ULK1: variants seen among roughly 807,000 people sequenced by gnomAD.
The protein encoded by ULK1 is serine/threonine-protein kinase ULK1.
ULK1 carries 48 observed loss-of-function variants against 117.5 expected under a neutral mutation model. That is an observed-to-expected ratio of 0.41 (90% CI 0.32 to 0.52). ULK1 has a LOEUF of 0.52. Among genes scored for constraint, ULK1 ranks in the 20% least tolerant of loss-of-function variants. The probability of loss-of-function intolerance (pLI) is 0.29; values close to 1 mark genes in which losing one functional copy is unlikely to be tolerated. For synonymous variants in ULK1, 790 were observed against 637.8 expected (o/e 1.24, Z -3.60); for missense variants, 1,387 against 1,473.4 (o/e 0.94, Z 0.96).
chr12:131,913,277 C>T lies in ULK1; in HGVS notation c.1157+19C>T, dbSNP rs762181714. The T allele has an allele frequency of 9.1e-6, 14 of 1,538,956 alleles. No individual in the cohort carries two copies. The East Asian group carries it at 2.3e-4, about 25-fold the overall frequency. ...GCAGTGGGTGAGCCCCCATCCCTTA[C>T]CTCTGTATTTTAGGGGAGAGAAACT... On this transcript the variant is annotated intron_variant, in intron 14 of 27. Transcript: ENST00000321867.
chr12:131,915,226 C>T lies in ULK1; in HGVS notation c.1517C>T (p.Pro506Leu), dbSNP rs1889720924. The change falls in exon 17 of 28, where the codon CCT (proline) becomes CTT (leucine). Residue 506 changes from proline (P) to leucine (L), a missense_variant. Coordinates refer to ENST00000321867, the MANE Select transcript of ULK1 (RefSeq NM_003565.4). ...GGAGGCCGGCCCTACACGCCATCTC[C>T]TCAAGGTGCGCCTGCAGGCTGGGGC... ...LGGGRPYTPS[P>L]QVGTIPERPG... The T allele has an allele frequency of 6.2e-7, 1 of 1,602,220 alleles. No individual in the cohort carries two copies. The highest frequency in any genetic ancestry group is 8.5e-7 in the Non-Finnish European group (1 of 1,174,764).
chr12:131,918,376 A>G, intron 22 of ULK1, 121 bp from the exon 23 acceptor site: 1 of 1,204,642 alleles, frequency 8.3e-7, no homozygotes, highest in Non-Finnish European at 1.1e-6. Context: ...ATTGGGATAT[A>G]ACAGGTGTAA....
At chr12:131,914,609 C>A in intron 16 of ULK1, 132 bp downstream of exon 16, 1 of 1,225,284 alleles carries the variant, frequency 8.2e-7, no homozygotes, top group East Asian at 2.7e-5. Flanking sequence ...CGTAACTCAG[C>A]ACCACCATTT....
intron 14 of ULK1, among the ~76,000 whole-genome samples, chr12:131,913,501 C>T (rs1370916599): frequency 6.6e-6 from 1 of 152,104 alleles, no homozygotes; most frequent in Non-Finnish European, 1.5e-5. Flanking sequence ...TGAGACCATC[C>T]TGGCCAACAT....
intron 16 of ULK1, among the ~76,000 whole-genome samples, 192 bp downstream of exon 16, chr12:131,914,669 C>G (rs1442967679): frequency 6.6e-6 from 1 of 152,266 alleles, no homozygotes; most frequent in Non-Finnish European, 1.5e-5. Context: ...GTTTTCTGAT[C>G]AGTAAAATCT....
chr12:131,894,973 C>T lies in ULK1; in HGVS notation c.-29C>T. The T allele has an allele frequency of 8.2e-7, 1 of 1,217,666 alleles. No individual in the cohort carries two copies. Among genetic ancestry groups the T allele is most frequent in the Non-Finnish European group, 1.0e-6 (1 of 964,176 alleles). 75.4% of individuals were successfully genotyped at this position (1,217,666 alleles called of 1,614,324 possible). A position where few individuals can be genotyped will look rare whatever the true frequency, so the allele number is the denominator to read the frequency against. On this transcript the variant is annotated 5_prime_UTR_variant, in exon 1 of 28. Transcript: ENST00000321867. ...CCCCCGCGCCTTGGCCCGCCACCCC[C>T]CGCCCCGCGCCCCCGGCCCGCCTGC... is the stretch of plus-strand genomic sequence containing the variant.
Position 131,916,980 on chromosome 12 carries a change from C to CCTGCTCCTTA in ULK1, c.2101_2110dup (p.Lys704ThrfsTer4). On this transcript the variant is annotated frameshift_variant, in exon 21 of 28. Transcript: ENST00000321867. LOFTEE classifies it high-confidence loss of function. ...CTTTCAGCACCAGCCGCCTCACTGA[C>CCTGCTCCTTA]CTGCTCCTTAAGGCGGCGTTTGGGA... is the stretch of plus-strand genomic sequence containing the variant. 1 of 1,610,884 alleles carries CCTGCTCCTTA rather than the reference C, an allele frequency of 6.2e-7. No homozygotes were observed. The highest frequency in any genetic ancestry group is 8.5e-7 in the Non-Finnish European group (1 of 1,179,286).
intron 11 of ULK1, among the ~76,000 whole-genome samples, 193 bp from the exon 12 acceptor site, chr12:131,910,519 G>T (rs778234601): frequency 1.3e-5 from 2 of 152,118 alleles, no homozygotes; most frequent in Non-Finnish European, 2.9e-5. Flanking sequence ...ATGGGGATGG[G>T]GTGTTGGAGG....
chr12:131,900,545 G>T (rs1033220198), intron 3 of ULK1, among the ~76,000 whole-genome samples: 1 of 152,344 alleles, frequency 6.6e-6, no homozygotes, highest in South Asian at 2.1e-4. Context: ...GGCCACCACA[G>T]AAATCAGGGT....
chr12:131,908,508 T>C, intron 5 of ULK1, 136 bp from the exon 6 acceptor site: 1 of 1,123,996 alleles, frequency 8.9e-7, no homozygotes, highest in Non-Finnish European at 1.2e-6. Flanking sequence ...GTGCCCCTCC[T>C]GACCCGGGGT....
In ULK1 at chr12:131,914,431, C is replaced by T. The variant is rs1889682530; in HGVS notation, c.1327C>T (p.Arg443Cys). 2.5e-6 allele frequency: 4 copies of T among 1,612,766 alleles called. No homozygotes were observed. Among genetic ancestry groups the T allele is most frequent in the Non-Finnish European group, 2.5e-6 (3 of 1,179,966 alleles). The change falls in exon 16 of 28, where the codon CGC becomes TGC. Residue 443 changes from arginine (R) to cysteine (C), a missense_variant. By Grantham distance (180) the Arg-to-Cys change is radical. Transcript: ENST00000321867. ...CCCCACGCAGGTGCAGAACTACCAG[C>T]GCATTGAGCGAAACCTGCAGTCACC... is the stretch of plus-strand genomic sequence containing the variant. ...PVPTQVQNYQRIERNLQSPTQ... is the reference protein window; with the variant it reads ...PVPTQVQNYQCIERNLQSPTQ...
chr12:131,914,896 G>A (rs1191684600), intron 16 of ULK1, among the ~76,000 whole-genome samples, 187 bp from the exon 17 acceptor site: 1 of 152,202 alleles, frequency 6.6e-6, no homozygotes, highest in African/African-American at 2.4e-5. Flanking sequence ...CTGTGTGGCC[G>A]GTTACCTGGA....
chr12:131,895,068 G>A lies in ULK1; in HGVS notation c.67G>A (p.Gly23Ser). 1 of 1,577,568 alleles carries A rather than the reference G, an allele frequency of 6.3e-7. No homozygotes were observed. ...CGAGTTCTCCCGCAAGGACCTGATC[G>A]GCCACGGCGCCTTCGCGGTGGTCTT... ...KFEFSRKDLI[G>S]HGAFAVVFKG... The change falls in exon 1 of 28, where the codon GGC (glycine) becomes AGC (serine). Residue 23 changes from glycine (G) to serine (S), a missense_variant. By Grantham distance (56) the Gly-to-Ser change is moderately conservative. Around this residue, in one of 4 missense-constraint regions of ULK1, gnomAD observed 224 missense variants for 325.2 expected, o/e 0.69. Coordinates refer to ENST00000321867, the MANE Select transcript of ULK1 (RefSeq NM_003565.4).
At chr12:131,898,487 A>T (rs1198038220) in intron 3 of ULK1, among the ~76,000 whole-genome samples, 1 of 150,716 alleles carries the variant, frequency 6.6e-6, no homozygotes, top group South Asian at 2.1e-4. Context: ...AGAAAATGAC[A>T]TCTCTTATGG....
At chr12:131,911,440 T>C (rs1223479638) in intron 12 of ULK1, among the ~76,000 whole-genome samples, 2 of 152,192 alleles carry the variant, frequency 1.3e-5, no homozygotes, top group African/African-American at 4.8e-5. Context: ...TAGGGAGCTG[T>C]GGCATCCGCA....
chr12:131,921,436 G>C lies in ULK1; in HGVS notation c.*75G>C, dbSNP rs139770549. ...GCTCTGTGTGCTGGCTGGACTCCTC[G>C]GGACAAGCCCATGGCGCTGATCGCT... On this transcript the variant is annotated 3_prime_UTR_variant, in exon 28 of 28. Transcript: ENST00000321867. The C allele has an allele frequency of 1.9e-6, 3 of 1,589,744 alleles. No homozygotes were observed. The South Asian group carries it at 3.3e-5, about 18-fold the overall frequency.
chr12:131,912,015 C>T lies in ULK1; in HGVS notation c.1022C>T (p.Ser341Phe). 6.2e-7 allele frequency: 1 copy of T among 1,612,882 alleles called. No homozygotes were observed. The highest frequency in any genetic ancestry group is 8.5e-7 in the Non-Finnish European group (1 of 1,179,978). Residue 341 changes from serine to phenylalanine, a missense_variant, in exon 13 of 28, where the codon TCC (serine) becomes TTC (phenylalanine). By Grantham distance (155) the Ser-to-Phe change is radical (BLOSUM62 -2). This residue lies in a region of ULK1 where 260 missense variants were observed against 271.6 expected (regional missense o/e 0.96). Transcript: ENST00000321867. ...PADTAGFLHS[S>F]RDSGGSKDSS... ...GACACCGCTGGCTTCCTGCACAGCT[C>T]CCGGGACTCTGGTGGCAGCAAGGAC...
At chr12:131,911,114 G>A (rs564563117) in intron 12 of ULK1, among the ~76,000 whole-genome samples, 4 of 152,312 alleles carry the variant, frequency 2.6e-5, no homozygotes, top group South Asian at 2.1e-4. Context: ...GGCCTCCCTC[G>A]TGTCTTCCAT....
Position 131,916,073 on chromosome 12 carries a change from T to C in ULK1, c.1792T>C (p.Ser598Pro). The part of the protein sequence containing the change: ...SPPQPSHGLQ[S>P]CRNLRGSPKL... ...TCCCCAGCCGTCCCACGGCCTGCAG[T>C]CCTGCCGGAACCTGCGGGGCTCACC... The change falls in exon 19 of 28, where the codon TCC becomes CCC. Residue 598 changes from serine to proline, a missense_variant. By Grantham distance (74) the Ser-to-Pro change is moderately conservative (BLOSUM62 -1). Coordinates refer to ENST00000321867, the MANE Select transcript of ULK1 (RefSeq NM_003565.4). The C allele has an allele frequency of 6.2e-7, 1 of 1,612,140 alleles. No individual in the cohort carries two copies. Among genetic ancestry groups the C allele is most frequent in the Middle Eastern group, 1.6e-4 (1 of 6,062 alleles).
Sources: gnomAD v4.1 joint callset for allele counts (sites outside exome capture counted in the v4.1 genomes callset) on GRCh38, gnomAD v4.1.1 for gene constraint, gnomAD v4.1.1 regional missense constraint, MANE v1.5 for transcripts, NCBI Gene and HGNC (gene_info 2026-07-23, HGNC 2026-07-21) for gene names.